ATF2: variants seen among roughly 807,000 people sequenced by gnomAD.
The protein encoded by ATF2 is activating transcription factor 2, also known as cyclic AMP-dependent transcription factor ATF-2.
Under a neutral mutation model 60.6 loss-of-function variants are expected in ATF2, and 24 were observed. The ratio of observed to expected loss-of-function variants is 0.40; its 90% CI spans 0.29 to 0.56. The LOEUF is 0.56. Ranked by LOEUF, ATF2 falls within the 20% of genes least tolerant of loss-of-function variation. The pLI is 0.54. For synonymous variants in ATF2, 206 were observed against 215.4 expected (o/e 0.96, Z 0.38); for missense variants, 433 against 607.7 (o/e 0.71, Z 3.02).
chr2:175,129,597 T>C (rs1021218801), intron 4 of ATF2, among the ~76,000 whole-genome samples: 1 of 152,090 alleles, frequency 6.6e-6, no homozygotes, highest in African/African-American at 2.4e-5. Flanking sequence ...TCTATAGTTA[T>C]TTTAAGATAA....
intron 13 of ATF2, among the ~76,000 whole-genome samples, chr2:175,077,433 A>G (rs1693414502): frequency 1.3e-5 from 2 of 152,092 alleles, no homozygotes; most frequent in Admixed American, 1.3e-4. Flanking sequence ...AAGTGTTCCT[A>G]TTTCTCCACA....
chr2:175,113,849 T>G (rs1649633330), intron 9 of ATF2, 145 bp downstream of exon 9: 2 of 767,854 alleles, frequency 2.6e-6, no homozygotes, highest in African/African-American at 3.6e-5. Context: ...GTATATGCTA[T>G]TACAATGATA....
chr2:175,084,223 G>A (rs1211652121), intron 12 of ATF2, among the ~76,000 whole-genome samples: 1 of 152,018 alleles, frequency 6.6e-6, no homozygotes, highest in African/African-American at 2.4e-5. Context: ...ATTCACAATA[G>A]CAAAGACTTG....
intron 10 of ATF2, among the ~76,000 whole-genome samples, chr2:175,109,247 T>G (rs1696002002): frequency 6.7e-6 from 1 of 150,146 alleles, no homozygotes; most frequent in East Asian, 2.0e-4. Flanking sequence ...ACCATTAAAG[T>G]GTCCATGAGC....
intron 10 of ATF2, among the ~76,000 whole-genome samples, chr2:175,100,689 G>T (rs1190178670): frequency 6.6e-6 from 1 of 152,218 alleles, no homozygotes; most frequent in Non-Finnish European, 1.5e-5. Context: ...GTCATAGCCT[G>T]TTCCTCTTCC....
At chr2:175,131,976 G>A (rs1319822005) in intron 3 of ATF2, among the ~76,000 whole-genome samples, 2 of 152,112 alleles carry the variant, frequency 1.3e-5, no homozygotes, top group African/African-American at 4.8e-5. Flanking sequence ...AAAATTTAGT[G>A]AGAAAGGCAT....
intron 3 of ATF2, among the ~76,000 whole-genome samples, chr2:175,133,293 T>C (rs946943061): frequency 1.3e-5 from 2 of 152,066 alleles, no homozygotes; most frequent in Non-Finnish European, 2.9e-5. Flanking sequence ...ATCAGTCCAA[T>C]GATAAACATA....
chr2:175,140,549 A>G (rs1384402704), intron 2 of ATF2, among the ~76,000 whole-genome samples: 1 of 152,166 alleles, frequency 6.6e-6, no homozygotes, highest in African/African-American at 2.4e-5. Flanking sequence ...CAAATTTATC[A>G]TCTTGATTGT....
At position 175,097,484 on chromosome 2, in the gene ATF2, T is replaced by C; in HGVS notation, c.938A>G (p.Gln313Arg). ...VRTQSEESRPQSLQQPATSTT... is the reference protein window; with the variant it reads ...VRTQSEESRPRSLQQPATSTT... ...GGATGTGGCTGGCTGTTGTAATGACTGCGGTCGAGATTCCTCTGACTGAGT... is the reference window on the plus strand; with the variant it reads ...GGATGTGGCTGGCTGTTGTAATGACCGCGGTCGAGATTCCTCTGACTGAGT... The change falls in exon 11 of 14, where the codon CAG (glutamine) becomes CGG (arginine). Residue 313 changes from glutamine to arginine, a missense_variant. This residue lies in a region of ATF2 where 246 missense variants were observed against 309.3 expected (regional missense o/e 0.80). Coordinates refer to ENST00000264110, the MANE Select transcript of ATF2 (RefSeq NM_001880.4). The C allele has an allele frequency of 6.2e-7, 1 of 1,614,158 alleles. No homozygotes were observed.
intron 9 of ATF2, among the ~76,000 whole-genome samples, chr2:175,112,311 T>G (rs912654657): frequency 2.0e-5 from 3 of 152,120 alleles, no homozygotes; most frequent in African/African-American, 7.2e-5. Context: ...CTCAAAAAAA[T>G]ATTCTCAGTA....
At chr2:175,148,212 ATGAGTCCCACCCCCTC>A (rs1302602526) in intron 2 of ATF2, among the ~76,000 whole-genome samples, 3 of 152,176 alleles carry the variant, frequency 2.0e-5, no homozygotes, top group Non-Finnish European at 4.4e-5. Flanking sequence ...TACCATTAGT[ATGAGTCCCACCCCCTC>A]TTTTTACTTG....
chr2:175,074,739 A>C lies in ATF2; in HGVS notation c.1388T>G (p.Val463Gly). The C allele has an allele frequency of 2.5e-6, 4 of 1,613,306 alleles. No individual in the cohort carries two copies. The highest frequency in any genetic ancestry group is 3.4e-6 in the Non-Finnish European group (4 of 1,179,674). Residue 463 changes from valine (V) to glycine (G), a missense_variant, in exon 14 of 14, where the codon GTC (valine) becomes GGC (glycine). Val to Gly is a moderately radical substitution (Grantham distance 109). Around this residue, in one of 5 missense-constraint regions of ATF2, gnomAD observed 114 missense variants for 104.0 expected, o/e 1.10. Coordinates refer to ENST00000264110, the MANE Select transcript of ATF2 (RefSeq NM_001880.4). ...AGCTTCTGCCTTGGAGGTTGAACTG[A>C]CTCCATTGGATGTGCTGACCGAACT... ...QHSSVSTSNG[V>G]SSTSKAEAVA...
In ATF2 at chr2:175,073,500, C is replaced by G. The variant is rs1482845611; in HGVS notation, c.*1109G>C. On this transcript the variant is annotated 3_prime_UTR_variant, in exon 14 of 14. Coordinates refer to ENST00000264110, the MANE Select transcript of ATF2 (RefSeq NM_001880.4). The stretch of plus-strand genomic sequence containing the variant: ...ACACACACACAGATACACACACACT[C>G]TCTCTCATTCATGCACACTTCCCAC... The G allele has an allele frequency of 6.6e-6, 1 of 151,810 alleles. No homozygotes were observed. Among genetic ancestry groups the G allele is most frequent in the East Asian group, 1.9e-4 (1 of 5,180 alleles). The allele number at this position is 151,810 out of a possible 1,614,324, so 9.4% of individuals were successfully genotyped here.
chr2:175,146,751 C>T (rs1019418962), intron 2 of ATF2, among the ~76,000 whole-genome samples: 1 of 152,156 alleles, frequency 6.6e-6, no homozygotes, highest in Non-Finnish European at 1.5e-5. Flanking sequence ...ATTGTCGCTT[C>T]GTCAAGCACA....
chr2:175,096,398 T>C (rs1694938813), intron 11 of ATF2, among the ~76,000 whole-genome samples: 2 of 152,214 alleles, frequency 1.3e-5, no homozygotes, highest in Non-Finnish European at 2.9e-5. Flanking sequence ...TTGATTTATG[T>C]TAGTAATGTA....
At chr2:175,152,147 T>C (rs943457255) in intron 1 of ATF2, among the ~76,000 whole-genome samples, 1 of 152,174 alleles carries the variant, frequency 6.6e-6, no homozygotes, top group Non-Finnish European at 1.5e-5. Context: ...TCATACTTAT[T>C]TCATTCTAAA....
intron 1 of ATF2, chr2:175,167,789 AG>A: frequency 2.2e-6 from 1 of 452,628 alleles, no homozygotes. Context: ...AGCGCGCGAG[AG>A]GGAGGGGCCG....
At chr2:175,144,606 G>A (rs1037438766) in intron 2 of ATF2, among the ~76,000 whole-genome samples, 4 of 152,206 alleles carry the variant, frequency 2.6e-5, no homozygotes, top group African/African-American at 9.7e-5. Flanking sequence ...GCTCAGACAG[G>A]CTACCTGAGG....
chr2:175,113,994 T>C lies in ATF2; in HGVS notation c.741A>G (p.Pro247=). 6.2e-7 allele frequency: 1 copy of C among 1,602,112 alleles called. No individual in the cohort carries two copies. The highest frequency in any genetic ancestry group is 8.5e-7 in the Non-Finnish European group (1 of 1,171,910). Residue 247 remains proline, a splice_region_variant and synonymous_variant, in exon 9 of 14, where the codon CCA becomes CCG. Coordinates refer to ENST00000264110, the MANE Select transcript of ATF2 (RefSeq NM_001880.4). ...GATTTAAATAGTCTAACTTTCTTAC[T>C]GGGACTGCAGCTGGAACATGCACAT... ...SSNVHVPAAV[P]LVRPVTMVPS... is the part of the protein sequence containing the mutation.
Sources: gnomAD v4.1 joint callset for allele counts (sites outside exome capture counted in the v4.1 genomes callset) on GRCh38, gnomAD v4.1.1 for gene constraint, gnomAD v4.1.1 regional missense constraint, MANE v1.5 for transcripts, NCBI Gene and HGNC (gene_info 2026-07-23, HGNC 2026-07-21) for gene names.